CYBB: variants seen among roughly 807,000 people sequenced by gnomAD.
CYBB encodes the protein cytochrome b-245 beta chain.
A neutral mutation model predicts 46.5 loss-of-function variants in CYBB; 5 were observed. That is an observed-to-expected ratio of 0.11 (90% CI 0.06 to 0.23). CYBB has a LOEUF of 0.23. CYBB is among the 10% of genes least tolerant of loss of function. The pLI is 1.00. For missense variants in CYBB, 307 were observed against 428.3 expected, an observed-to-expected ratio of 0.72 and a Z score of 2.50; for synonymous variants, 183 against 156.7, an observed-to-expected ratio of 1.17 and a Z score of -1.26.
At chrX:37,794,408 G>A (rs1929259918) in intron 5 of CYBB, among the ~76,000 whole-genome samples, 1 of 111,399 alleles carries the variant, frequency 9.0e-6, no homozygotes, top group Non-Finnish European at 1.9e-5. Flanking sequence ...CATTGTCTAG[G>A]CTCAGACATG....
chrX:37,805,794 C>T lies in CYBB; in HGVS notation c.1315-593C>T, dbSNP rs782689573. Among the ~76,000 whole-genome samples the T allele has an allele frequency of 9.9e-5, 11 of 110,897 alleles. No individual in the cohort carries two copies. In the East Asian group the frequency reaches 3.1e-3, roughly 32 times the overall value. On this transcript the variant is annotated intron_variant, in intron 10 of 12. Coordinates refer to ENST00000378588, the MANE Select transcript of CYBB (RefSeq NM_000397.4). ...TATGAATATCTCCTCAGGATCAATT[C>T]ACAGGAGATTTTTTGGTTACCTATA...
chrX:37,806,941 A>C (rs1556471926), intron 11 of CYBB, among the ~76,000 whole-genome samples: 1 of 109,858 alleles, frequency 9.1e-6, no homozygotes, highest in Non-Finnish European at 1.9e-5. Flanking sequence ...TCCCCAACTT[A>C]ATAATGGTTC....
chrX:37,794,564 T>C (rs1391367733), intron 5 of CYBB, among the ~76,000 whole-genome samples: 3 of 111,561 alleles, frequency 2.7e-5, no homozygotes, highest in Non-Finnish European at 5.7e-5. Flanking sequence ...AGCTGACAGT[T>C]GTGTGATGCC....
intron 6 of CYBB, among the ~76,000 whole-genome samples, chrX:37,797,569 G>C (rs1161220750): frequency 8.9e-6 from 1 of 111,888 alleles, no homozygotes; most frequent in Admixed American, 9.5e-5. Flanking sequence ...ATTGAGAAGA[G>C]AAGGAGAAAA....
chrX:37,810,182 T>TAGAACACC (rs1195160665), intron 12 of CYBB, among the ~76,000 whole-genome samples: 2 of 112,125 alleles, frequency 1.8e-5, no homozygotes, highest in African/African-American at 6.5e-5. Context: ...CTTATCTTGC[T>TAGAACACC]AGAACACCTA....
intron 3 of CYBB, among the ~76,000 whole-genome samples, chrX:37,784,126 C>T (rs6417871): frequency 0.31 from 33,947 of 110,247 alleles, 5,875 homozygotes; most frequent in African/African-American, 0.68. Context: ...GACTCTCACT[C>T]CAACAATTTA....
At chrX:37,795,797 T>C (rs1346994500) in intron 5 of CYBB, among the ~76,000 whole-genome samples, 154 bp from the exon 6 acceptor site, 1 of 112,771 alleles carries the variant, frequency 8.9e-6, no homozygotes, top group African/African-American at 3.2e-5. Context: ...ATTAGGATTA[T>C]TCAAAGAGGG....
At position 37,809,654 on chromosome X, in the gene CYBB, G is replaced by A; in HGVS notation, c.1549G>A (p.Asp517Asn). Residue 517 changes from aspartate (D) to asparagine (N), a missense_variant, in exon 12 of 13, where the codon GAT becomes AAT. Asp to Asn is a conservative substitution (Grantham distance 23). Transcript: ENST00000378588. ...QKTLYGRPNW[D>N]NEFKTIASQH... ...GACTTTGTATGGACGGCCCAACTGG[G>A]ATAATGAATTCAAGACAATTGCAAG... The A allele has an allele frequency of 8.3e-7, 1 of 1,208,897 alleles. No homozygotes were observed. The highest frequency in any genetic ancestry group is 1.1e-6 in the Non-Finnish European group (1 of 893,957).
intron 8 of CYBB, among the ~76,000 whole-genome samples, chrX:37,802,188 G>A (rs782764770): frequency 9.0e-6 from 1 of 111,216 alleles, no homozygotes; most frequent in Non-Finnish European, 1.9e-5. Flanking sequence ...GCTGTCTATG[G>A]TGGGTCATAG....
In CYBB at chrX:37,794,788, G is replaced by A. The variant is rs1031189017; in HGVS notation, c.483+978G>A. On this transcript the variant is annotated intron_variant, in intron 5 of 12. Transcript: ENST00000378588. ...AAGTCTTCATGCACCCAATGACTTG[G>A]GAAGATGACTAAATCACATTAATAT... Among the ~76,000 whole-genome samples, 22 of 111,273 alleles carry A rather than the reference G, an allele frequency of 2.0e-4. No homozygotes were observed. Among genetic ancestry groups the A allele is most frequent in the Middle Eastern group, 4.6e-3 (1 of 216 alleles).
At chrX:37,807,370 G>A (rs1413942495) in intron 11 of CYBB, among the ~76,000 whole-genome samples, 1 of 109,037 alleles carries the variant, frequency 9.2e-6, no homozygotes, top group Non-Finnish European at 1.9e-5. Context: ...TATGTACTAT[G>A]TATATATGTA....
intron 3 of CYBB, among the ~76,000 whole-genome samples, chrX:37,789,161 G>A (rs1478705927): frequency 2.7e-5 from 3 of 111,443 alleles, no homozygotes; most frequent in African/African-American, 9.8e-5. Flanking sequence ...ACCAGCAGCA[G>A]TGCTTCAAAT....
At position 37,783,539 on chromosome X, in the gene CYBB, G is replaced by C; in HGVS notation, c.191G>C (p.Cys64Ser). The C allele has an allele frequency of 8.3e-7, 1 of 1,210,217 alleles. No individual in the cohort carries two copies. The highest frequency in any genetic ancestry group is 1.1e-6 in the Non-Finnish European group (1 of 893,954). The change falls in exon 3 of 13, where the codon TGC becomes TCC. Residue 64 changes from cysteine to serine, a missense_variant. Around this residue, in one of 3 missense-constraint regions of CYBB, gnomAD observed 103 missense variants for 150.2 expected, o/e 0.69. Transcript: ENST00000378588. ...RAPAACLNFN[C>S]MLILLPVCRN... is the part of the protein sequence containing the mutation. ...CCTGCAGCCTGCCTGAATTTCAACT[G>C]CATGCTGATTCTCTTGCCAGTCTGT...
intron 3 of CYBB, among the ~76,000 whole-genome samples, chrX:37,790,838 T>C (rs1356154821): frequency 2.7e-5 from 3 of 111,934 alleles, no homozygotes; most frequent in African/African-American, 9.7e-5. Flanking sequence ...GGTACTTCAC[T>C]CTCTTGTTCT....
intron 9 of CYBB, 123 bp from the exon 10 acceptor site, chrX:37,804,883 C>A: frequency 1.4e-6 from 1 of 727,938 alleles, no homozygotes; most frequent in Non-Finnish European, 2.1e-6. Context: ...GAAGGAAGCA[C>A]CCAATAGATA....
intron 9 of CYBB, 70 bp downstream of exon 9, chrX:37,804,200 TC>T: frequency 1.9e-6 from 2 of 1,075,010 alleles, no homozygotes; most frequent in African/African-American, 3.6e-5. Flanking sequence ...CTCCTCTTCC[TC>T]CATGTTTTAC....
At chrX:37,796,708 T>A (rs1929315702) in intron 6 of CYBB, among the ~76,000 whole-genome samples, 1 of 111,976 alleles carries the variant, frequency 8.9e-6, no homozygotes, top group Non-Finnish European at 1.9e-5. Context: ...GGGTCTGTGC[T>A]AAGGGTTTGA....
At chrX:37,807,017 A>G (rs1276145674) in intron 11 of CYBB, among the ~76,000 whole-genome samples, 1 of 111,001 alleles carries the variant, frequency 9.0e-6, no homozygotes. Context: ...GCCATACTTC[A>G]GTACAAGCCA....
At chrX:37,788,907 C>A (rs1414841453) in intron 3 of CYBB, among the ~76,000 whole-genome samples, 1 of 111,813 alleles carries the variant, frequency 8.9e-6, no homozygotes, top group Non-Finnish European at 1.9e-5. Context: ...ACAAGTCCAG[C>A]ACCCAGTTGC....
Sources: allele counts gnomAD v4.1 joint callset (sites outside exome capture counted in the v4.1 genomes callset), GRCh38; gene constraint gnomAD v4.1.1; regional missense constraint gnomAD v4.1.1; transcripts MANE v1.5; gene names NCBI Gene and HGNC (gene_info 2026-07-23, HGNC 2026-07-21).